The following ITPR1 variants were observed in gnomAD, a reference collection of about 807,000 sequenced individuals.
ITPR1 encodes the protein inositol 1,4,5-trisphosphate-gated calcium channel ITPR1.
In ITPR1, 96 loss-of-function variants were observed where a neutral mutation model predicts 318.4. The ratio of observed to expected loss-of-function variants is 0.30; its 90% CI spans 0.26 to 0.36. The LOEUF is 0.36. Among genes scored for constraint, ITPR1 ranks in the 10% least tolerant of loss-of-function variants. The pLI is 1.00. For synonymous variants in ITPR1, 1,312 were observed against 1,289.9 expected (o/e 1.02, Z -0.37); for missense variants, 2,440 against 3,460.2 (o/e 0.71, Z 7.40).
intron 4 of ITPR1, among the ~76,000 whole-genome samples, chr3:4,608,674 A>AC (rs1228168450): frequency 6.6e-6 from 1 of 151,768 alleles, no homozygotes; most frequent in Non-Finnish European, 1.5e-5. Flanking sequence ...GATACAGGAC[A>AC]CCCCCACAAT....
rs3805007 is a variant in ITPR1 at position 4,761,846 on chromosome 3, C to T, written c.5545-4684C>T. ...CCTGAGGAGAACATTCCATTCCCCA[C>T]CCAAGCCCTGCAAACGCATCATTAC... On this transcript the variant is annotated intron_variant, in intron 44 of 61. Coordinates refer to ENST00000649015, the MANE Select transcript of ITPR1 (RefSeq NM_001378452.1). 5.1e-4 allele frequency among the ~76,000 whole-genome samples: 77 copies of T among 152,346 alleles called. 4 individuals are homozygous for T. The East Asian group carries it at 0.013, about 26-fold the overall frequency.
At chr3:4,528,164 C>T (rs1457963160) in intron 4 of ITPR1, among the ~76,000 whole-genome samples, 3 of 152,180 alleles carry the variant, frequency 2.0e-5, no homozygotes, top group African/African-American at 4.8e-5. Flanking sequence ...GAAGTGATTT[C>T]GTCTCTCTTA....
intron 44 of ITPR1, among the ~76,000 whole-genome samples, chr3:4,745,639 C>T (rs1270657670): frequency 6.6e-6 from 1 of 152,200 alleles, no homozygotes; most frequent in Non-Finnish European, 1.5e-5. Context: ...TACCGATCCC[C>T]TTGGGTAATC....
At chr3:4,513,392 G>GCCC (rs1337323226) in intron 2 of ITPR1, among the ~76,000 whole-genome samples, 2 of 152,140 alleles carry the variant, frequency 1.3e-5, no homozygotes, top group African/African-American at 4.8e-5. Flanking sequence ...CAAGCTTTCT[G>GCCC]CCCAGTCCTT....
At chr3:4,605,422 AT>A (rs2091635198) in intron 4 of ITPR1, among the ~76,000 whole-genome samples, 1 of 152,178 alleles carries the variant, frequency 6.6e-6, no homozygotes, top group South Asian at 2.1e-4. Context: ...AAATGACAAA[AT>A]GGGAATGTGA....
chr3:4,818,314 C>A, intron 60 of ITPR1, 72 bp downstream of exon 60: 1 of 1,242,928 alleles, frequency 8.0e-7, no homozygotes. Context: ...CCCCAGCAGC[C>A]CATCGGGGAG....
chr3:4,564,272 A>C (rs931748765), intron 4 of ITPR1, among the ~76,000 whole-genome samples: 1 of 151,978 alleles, frequency 6.6e-6, no homozygotes, highest in Non-Finnish European at 1.5e-5. Flanking sequence ...CATAGGAAGA[A>C]ATCCGTTATG....
rs73102443 is a variant in ITPR1 at position 4,566,705 on chromosome 3, A to T, written c.163+45611A>T. Among the ~76,000 whole-genome samples the T allele has an allele frequency of 2.5e-3, 380 of 152,056 alleles. 2 individuals carry two copies. Among genetic ancestry groups the T allele is most frequent in the African/African-American group, 8.9e-3 (369 of 41,462 alleles). ...TCCTAACCTCCTGAATGCAATGCAG[A>T]TTCTTTCCTCCACCTTCCCTTCATT... On this transcript the variant is annotated intron_variant, in intron 4 of 61. Transcript: ENST00000649015.
rs930584184 is a variant in ITPR1 at position 4,590,995 on chromosome 3, G to A, written c.164-36768G>A. ...ATGCAGTATTTGGTTGTCTGTTCCT[G>A]CATTAGTTTGCTAAGGATGATAGCC... is the stretch of plus-strand genomic sequence containing the variant. On this transcript the variant is annotated intron_variant, in intron 4 of 61. Transcript: ENST00000649015. 1.6e-4 allele frequency among the ~76,000 whole-genome samples: 25 copies of A among 152,222 alleles called. 1 individual carries two copies. Among genetic ancestry groups the A allele is most frequent in the African/African-American group, 5.8e-4 (24 of 41,522 alleles).
chr3:4,662,061 A>G (rs759510301), intron 14 of ITPR1, 21 bp from the exon 15 acceptor site: 3 of 1,609,012 alleles, frequency 1.9e-6, no homozygotes, highest in South Asian at 1.1e-5. Flanking sequence ...ATTATCTCAC[A>G]AGGACCACCT....
intron 22 of ITPR1, among the ~76,000 whole-genome samples, 178 bp downstream of exon 22, chr3:4,674,521 A>G (rs549418897): frequency 1.3e-5 from 2 of 152,236 alleles, no homozygotes; most frequent in African/African-American, 4.8e-5. Flanking sequence ...TACCAGTCAC[A>G]TGGCTTAATA....
intron 40 of ITPR1, among the ~76,000 whole-genome samples, chr3:4,721,366 G>A (rs1322159584): frequency 6.6e-6 from 1 of 151,916 alleles, no homozygotes; most frequent in Non-Finnish European, 1.5e-5. Context: ...GCTTAGTTCT[G>A]TTTCTAAAAA....
chr3:4,569,140 G>T (rs1295199887), intron 4 of ITPR1, among the ~76,000 whole-genome samples: 1 of 152,138 alleles, frequency 6.6e-6, no homozygotes, highest in Admixed American at 6.5e-5. Context: ...AATGGGGCAG[G>T]TTCTTTGATG....
chr3:4,493,725 GGGGTTCCTTTACTGC>G (rs1190872177), intron 1 of ITPR1, 120 bp downstream of exon 1: 1 of 152,224 alleles, frequency 6.6e-6, no homozygotes, highest in Non-Finnish European at 1.5e-5. Flanking sequence ...CATGCATTTG[GGGGTTCCTTTACTGC>G]GGGCAGTTGT....
chr3:4,688,433 T>C, intron 30 of ITPR1, 62 bp from the exon 31 acceptor site: 2 of 1,599,504 alleles, frequency 1.3e-6, no homozygotes, highest in South Asian at 2.2e-5. Flanking sequence ...AGGTGTTGGG[T>C]ATAGGAGAAG....
At chr3:4,807,904 G>C (rs2048690627) in intron 55 of ITPR1, among the ~76,000 whole-genome samples, 1 of 152,192 alleles carries the variant, frequency 6.6e-6, no homozygotes, top group South Asian at 2.1e-4. Context: ...TCAGTTGGTG[G>C]TCTCTCTCAT....
intron 26 of ITPR1, among the ~76,000 whole-genome samples, chr3:4,682,871 A>G (rs2094326157): frequency 7.9e-6 from 1 of 126,672 alleles, no homozygotes; most frequent in Non-Finnish European, 1.9e-5. Flanking sequence ...GTAGTCTGCC[A>G]TTTGATCTAG....
intron 4 of ITPR1, among the ~76,000 whole-genome samples, chr3:4,524,301 GTTTTTTTTTTTTTTT>G (rs56380229): frequency 5.4e-5 from 4 of 73,488 alleles, no homozygotes; most frequent in African/African-American, 2.2e-4. Flanking sequence ...ATACTTTGAC[GTTTTTTTTTTTTTTT>G]TTTTTTTTTT....
chr3:4,679,604 G>C (rs1319520769), intron 24 of ITPR1, among the ~76,000 whole-genome samples: 2 of 152,182 alleles, frequency 1.3e-5, no homozygotes, highest in East Asian at 1.9e-4. Flanking sequence ...GGTGAGAGCG[G>C]ATCTTCTTTA....
Sources: gnomAD v4.1 joint callset for allele counts (sites outside exome capture counted in the v4.1 genomes callset) on GRCh38, gnomAD v4.1.1 for gene constraint, MANE v1.5 for transcripts, NCBI Gene and HGNC (gene_info 2026-07-23, HGNC 2026-07-21) for gene names.